Variants in GSE1 observed in about 807,000 individuals in gnomAD.
The protein encoded by GSE1 is genetic suppressor element 1.
Under a neutral mutation model 112.6 loss-of-function variants are expected in GSE1, and 32 were observed. The ratio of observed to expected loss-of-function variants is 0.28; its 90% CI spans 0.21 to 0.38. The LOEUF (loss-of-function observed/expected upper bound fraction) is 0.38. Ranked by LOEUF, GSE1 falls within the 10% of genes least tolerant of loss-of-function variation. The pLI is 1.00. For missense variants in GSE1, 2,348 were observed against 1,699.2 expected, an observed-to-expected ratio of 1.38 and a Z score of -6.71; for synonymous variants, 1,115 against 735.6, an observed-to-expected ratio of 1.52 and a Z score of -8.35.
rs2053042930 is a variant in GSE1 at position 85,668,251 on chromosome 16, G to A, written c.3242G>A (p.Gly1081Glu). The A allele has an allele frequency of 6.2e-7, 1 of 1,611,170 alleles. No individual in the cohort carries two copies. Among genetic ancestry groups the A allele is most frequent in the African/African-American group, 1.3e-5 (1 of 74,866 alleles). Reference protein sequence around the residue: ...SSRAPPPQHNGQQEPPTARKG... With the variant: ...SSRAPPPQHNEQQEPPTARKG... ...CGCGCCCCTCCACCCCAGCACAATGGGCAGCAGGAGCCCCCCACTGCAAGG... is the reference window on the plus strand; with the variant it reads ...CGCGCCCCTCCACCCCAGCACAATGAGCAGCAGGAGCCCCCCACTGCAAGG... Residue 1081 changes from glycine (G) to glutamate (E), a missense_variant, in exon 14 of 16, where the codon GGG becomes GAG. Coordinates refer to ENST00000253458, the MANE Select transcript of GSE1 (RefSeq NM_014615.5).
intron 1 of GSE1, among the ~76,000 whole-genome samples, chr16:85,621,754 C>T (rs976331732): frequency 6.6e-6 from 1 of 152,174 alleles, no homozygotes; most frequent in Non-Finnish European, 1.5e-5. Flanking sequence ...TCATCCGTGT[C>T]TCTTATCCAC....
chr16:85,608,984 G>A (rs1258526295), upstream of GSE1, among the ~76,000 whole-genome samples: 3 of 152,242 alleles, frequency 2.0e-5, no homozygotes, highest in Non-Finnish European at 4.4e-5. Flanking sequence ...GAAGAAGCAA[G>A]AACCAGAAAG....
chr16:85,453,099 G>C (rs2049731114), intron 2 of GSE1, among the ~76,000 whole-genome samples: 1 of 152,204 alleles, frequency 6.6e-6, no homozygotes, highest in Non-Finnish European at 1.5e-5. Context: ...CCTGGGCCTG[G>C]GTCCCCCACC....
chr16:85,318,137 G>A (rs139375801), intron 1 of GSE1, among the ~76,000 whole-genome samples: 112 of 152,334 alleles, frequency 7.4e-4, no homozygotes, highest in African/African-American at 2.4e-3. Context: ...TGGGGCCAGG[G>A]ATGCGGTGCC....
rs2052421312 is a variant in GSE1, at chr16:85,661,438, C to T, written c.1933C>T (p.Pro645Ser). Residue 645 changes from proline (P) to serine (S), a missense_variant, in exon 9 of 16, where the codon CCT (proline) becomes TCT (serine). Physicochemically the swap from Pro to Ser is moderately conservative, Grantham distance 74. Coordinates refer to ENST00000253458, the MANE Select transcript of GSE1 (RefSeq NM_014615.5). ...GGGGCCACGGAAGCGTGAGCCTGCC[C>T]CTCTGGACAAGTACCAGCCACCTCC... Reference protein sequence around the residue: ...EEGPRKREPAPLDKYQPPPPP... With the variant: ...EEGPRKREPASLDKYQPPPPP... The T allele has an allele frequency of 2.5e-6, 4 of 1,611,932 alleles. No homozygotes were observed. The highest frequency in any genetic ancestry group is 2.7e-5 in the African/African-American group (2 of 74,934).
intron 2 of GSE1, among the ~76,000 whole-genome samples, chr16:85,529,793 C>T (rs1477944132): frequency 2.0e-5 from 3 of 152,310 alleles, no homozygotes; most frequent in East Asian, 3.9e-4. Flanking sequence ...GGAGGTTTGC[C>T]AGAAAGGCTG....
intron 2 of GSE1, among the ~76,000 whole-genome samples, chr16:85,541,026 G>A (rs2044500135): frequency 6.6e-6 from 1 of 152,150 alleles, no homozygotes; most frequent in African/African-American, 2.4e-5. Flanking sequence ...GGGGGTAGGG[G>A]CAGAGACAGA....
At chr16:85,343,063 C>G (rs1277728605) in intron 1 of GSE1, among the ~76,000 whole-genome samples, 5 of 151,986 alleles carry the variant, frequency 3.3e-5, no homozygotes, top group Non-Finnish European at 4.4e-5. Context: ...GGATGTGCCT[C>G]CCTCAGCCTC....
At chr16:85,625,613 T>A (rs540357277) in intron 1 of GSE1, among the ~76,000 whole-genome samples, 61 of 152,254 alleles carry the variant, frequency 4.0e-4, no homozygotes, top group African/African-American at 1.5e-3. Context: ...GAACACGGCC[T>A]CCTTTGTGTT....
At position 85,214,250 on chromosome 16, in the gene GSE1, C is replaced by A. The variant is rs527974180; in HGVS notation, c.2283+42443C>A. ...GACTATGCTGGGGTGAGGGCCCCCC[C>A]ACCCAGATTCTTGTCACCCAGAACC... On this transcript the variant is annotated intron_variant, in intron 1 of 2. Transcript: ENST00000637419. 7.1e-3 allele frequency among the ~76,000 whole-genome samples: 1,083 copies of A among 152,194 alleles called. 17 individuals are homozygous for A. Among genetic ancestry groups the A allele is most frequent in the African/African-American group, 0.025 (1,045 of 41,482 alleles).
intron 2 of GSE1, among the ~76,000 whole-genome samples, chr16:85,510,407 C>CGTGTGTGTGTGTCTGTGTGT (rs1555524670): frequency 6.7e-6 from 1 of 149,302 alleles, no homozygotes; most frequent in Admixed American, 6.6e-5. Flanking sequence ...CCCGAGCGTG[C>CGTGTGTGTGTGTCTGTGTGT]GTGTGTGTGT....
In GSE1 at chr16:85,583,498, G is replaced by GCC. The variant is rs1264093424; in HGVS notation, c.37+27140_37+27141dup. The GCC allele has an allele frequency of 2.4e-4, 36 of 150,620 alleles. 1 individual carries two copies. Among genetic ancestry groups the GCC allele is most frequent in the African/African-American group, 8.8e-4 (35 of 39,814 alleles). 9.3% of individuals were successfully genotyped at this position (150,620 alleles called of 1,614,324 possible). A position where few individuals can be genotyped will look rare whatever the true frequency, so the allele number is the denominator to read the frequency against. Reference sequence around the variant, plus strand: ...CAAGGCTCTCGGCCTTTCCAGGACCGCCCCCCACCCCCATTCCAACACACA... The same window carrying GCC: ...CAAGGCTCTCGGCCTTTCCAGGACCGCCCCCCCCACCCCCATTCCAACACACA... On this transcript the variant is annotated intron_variant, in intron 1 of 2. Coordinates refer to the GSE1 transcript ENST00000635906.
chr16:85,650,538 C>T (rs1460152690), intron 3 of GSE1, among the ~76,000 whole-genome samples: 5 of 152,230 alleles, frequency 3.3e-5, no homozygotes, highest in Non-Finnish European at 5.9e-5. Flanking sequence ...TCCGGCGACT[C>T]CTCCGCTCTG....
chr16:85,666,503 ATGTTTGTT>A, intron 13 of GSE1, 156 bp downstream of exon 13: 1 of 707,158 alleles, frequency 1.4e-6, no homozygotes, highest in Non-Finnish European at 2.3e-6. Context: ...TGCCAAAACC[ATGTTTGTT>A]TGTTTATCTC....
intron 1 of GSE1, among the ~76,000 whole-genome samples, chr16:85,191,465 G>C (rs2143446922): frequency 6.6e-6 from 1 of 152,240 alleles, no homozygotes; most frequent in African/African-American, 2.4e-5. Flanking sequence ...TCATTTTTAT[G>C]ATTATTCCAT....
chr16:85,498,977 C>A (rs2051272390), intron 2 of GSE1, among the ~76,000 whole-genome samples: 1 of 152,216 alleles, frequency 6.6e-6, no homozygotes, highest in Admixed American at 6.5e-5. Flanking sequence ...AAGCTTGATG[C>A]CAGAGTGGGG....
At chr16:85,235,291 C>A (rs149355409) in intron 1 of GSE1, among the ~76,000 whole-genome samples, 3,298 of 151,912 alleles carry the variant, frequency 0.022, 113 homozygotes, top group African/African-American at 0.075. Flanking sequence ...CTGGCCTCTT[C>A]CCCCACTGCT....
chr16:85,619,915 C>T (rs778304138), intron 1 of GSE1, among the ~76,000 whole-genome samples: 2 of 152,094 alleles, frequency 1.3e-5, no homozygotes, highest in Non-Finnish European at 2.9e-5. Flanking sequence ...CCATGATTTT[C>T]CCACTCCAGC....
intron 1 of GSE1, among the ~76,000 whole-genome samples, chr16:85,286,581 G>C (rs2045032014): frequency 6.6e-6 from 1 of 152,232 alleles, no homozygotes. Context: ...AATAAATTAA[G>C]AGTGGGCCGG....
Sources: allele counts gnomAD v4.1 joint callset (sites outside exome capture counted in the v4.1 genomes callset), GRCh38; gene constraint gnomAD v4.1.1; transcripts MANE v1.5; gene names NCBI Gene and HGNC (gene_info 2026-07-23, HGNC 2026-07-21).